EBF2: variants seen among roughly 807,000 people sequenced by gnomAD.
EBF2 encodes the protein EBF transcription factor 2.
In EBF2, 21 loss-of-function variants were observed where a neutral mutation model predicts 72.8. That is an observed-to-expected ratio of 0.29 (90% confidence interval 0.20 to 0.42). The LOEUF is 0.42. Among genes scored for constraint, EBF2 ranks in the 10% least tolerant of loss-of-function variants. The probability of loss-of-function intolerance (pLI) is 1.00; values close to 1 mark genes in which losing one functional copy is unlikely to be tolerated. For synonymous variants in EBF2, 299 were observed against 274.2 expected (o/e 1.09, Z -0.89); for missense variants, 637 against 731.2 (o/e 0.87, Z 1.49).
chr8:25,931,534 A>T (rs1418613776), intron 6 of EBF2, among the ~76,000 whole-genome samples: 1 of 152,206 alleles, frequency 6.6e-6, no homozygotes, highest in Admixed American at 6.5e-5. Context: ...TCCTTTGATG[A>T]ATGTGGACAA....
chr8:26,011,940 C>T (rs1056091802), intron 6 of EBF2, among the ~76,000 whole-genome samples: 2 of 152,064 alleles, frequency 1.3e-5, no homozygotes, highest in Admixed American at 1.3e-4. Context: ...AGTGGGTTAA[C>T]CTTTTCCCAC....
intron 5 of EBF2, among the ~76,000 whole-genome samples, chr8:26,038,028 A>G (rs1034658820): frequency 3.3e-5 from 5 of 152,224 alleles, no homozygotes; most frequent in African/African-American, 1.2e-4. Context: ...TCTCTCAATC[A>G]TTGACTGCTA....
chr8:25,901,956 C>T, intron 7 of EBF2, among the ~76,000 whole-genome samples: 1 of 152,190 alleles, frequency 6.6e-6, no homozygotes, highest in Non-Finnish European at 1.5e-5. Context: ...ATGATTTGCT[C>T]TCTGCTGTAT....
intron 10 of EBF2, among the ~76,000 whole-genome samples, chr8:25,873,766 TTAAAGA>T (rs1445470895): frequency 6.6e-6 from 1 of 152,144 alleles, no homozygotes; most frequent in Non-Finnish European, 1.5e-5. Context: ...ACTGTAAAAA[TTAAAGA>T]TAAATTTCAA....
chr8:25,911,540 C>T (rs1803130968), intron 6 of EBF2, among the ~76,000 whole-genome samples: 1 of 152,156 alleles, frequency 6.6e-6, no homozygotes, highest in African/African-American at 2.4e-5. Context: ...ATTGGAAATG[C>T]CCCAAGGGTT....
At chr8:26,012,335 A>G (rs2117235383) in intron 6 of EBF2, among the ~76,000 whole-genome samples, 1 of 152,348 alleles carries the variant, frequency 6.6e-6, no homozygotes, top group Admixed American at 6.5e-5. Flanking sequence ...AATGTCCTTT[A>G]TATGAAAATA....
chr8:25,993,258 G>C (rs1445046969), intron 6 of EBF2, among the ~76,000 whole-genome samples: 1 of 152,152 alleles, frequency 6.6e-6, no homozygotes, highest in Non-Finnish European at 1.5e-5. Context: ...AGACATCACT[G>C]AATAAATTTT....
chr8:26,038,734 C>T (rs1805547963), intron 5 of EBF2, among the ~76,000 whole-genome samples: 1 of 152,226 alleles, frequency 6.6e-6, no homozygotes, highest in Non-Finnish European at 1.5e-5. Flanking sequence ...GCCTTCCCCC[C>T]AGCTACTCCA....
intron 6 of EBF2, among the ~76,000 whole-genome samples, chr8:25,931,526 C>A (rs1051823914): frequency 9.2e-5 from 14 of 152,140 alleles, no homozygotes; most frequent in Non-Finnish European, 5.9e-5. Context: ...CAAATTGCTC[C>A]TTTGATGAAT....
chr8:25,997,438 G>T (rs1804651706), intron 6 of EBF2, among the ~76,000 whole-genome samples: 1 of 151,980 alleles, frequency 6.6e-6, no homozygotes, highest in South Asian at 2.1e-4. Context: ...AAGCATGATG[G>T]TGTGCACCTG....
intron 13 of EBF2, among the ~76,000 whole-genome samples, chr8:25,859,807 C>T (rs1246883456): frequency 6.6e-6 from 1 of 151,666 alleles, no homozygotes; most frequent in Admixed American, 6.6e-5. Flanking sequence ...GCTTCAACCT[C>T]CTGGACTCAA....
In EBF2 at chr8:25,944,348, G is replaced by A. The variant is rs182913500; in HGVS notation, c.552-35793C>T. Reference sequence around the variant, plus strand: ...CTCTTACTTACATCTCCCTTCAGACGGCCATTGTCTTGCCTGGTGAGCCAG... The same window carrying A: ...CTCTTACTTACATCTCCCTTCAGACAGCCATTGTCTTGCCTGGTGAGCCAG... On this transcript the variant is annotated intron_variant, in intron 6 of 15. Coordinates refer to ENST00000520164, the MANE Select transcript of EBF2 (RefSeq NM_022659.4). Among the ~76,000 whole-genome samples, 28 of 152,068 alleles carry A rather than the reference G, an allele frequency of 1.8e-4. No individual in the cohort carries two copies. The East Asian group carries it at 4.1e-3, about 22-fold the overall frequency.
In EBF2 at chr8:25,991,532, G is replaced by T. The variant is rs1272681584; in HGVS notation, c.551+41553C>A. ...GGTGTTCTGGGAACAAAGACTGGAG[G>T]GGTCTGGAAATGGGGGCAGAAAATA... On this transcript the variant is annotated intron_variant, in intron 6 of 15. Coordinates refer to ENST00000520164, the MANE Select transcript of EBF2 (RefSeq NM_022659.4). Among the ~76,000 whole-genome samples, 8 of 152,234 alleles carry T rather than the reference G, an allele frequency of 5.3e-5. No homozygotes were observed. The East Asian group carries it at 1.2e-3, about 22-fold the overall frequency.
chr8:25,987,016 C>T (rs1200205720), intron 6 of EBF2, among the ~76,000 whole-genome samples: 1 of 151,720 alleles, frequency 6.6e-6, no homozygotes, highest in Non-Finnish European at 1.5e-5. Context: ...AGCACAACCC[C>T]AAAGCCACTG....
intron 6 of EBF2, among the ~76,000 whole-genome samples, chr8:25,944,814 CTT>C (rs1803739002): frequency 6.7e-6 from 1 of 149,906 alleles, no homozygotes; most frequent in African/African-American, 2.4e-5. Flanking sequence ...TATATACACA[CTT>C]ATATAGACAT....
At chr8:25,902,707 C>A (rs539719978) in intron 7 of EBF2, among the ~76,000 whole-genome samples, 4 of 152,240 alleles carry the variant, frequency 2.6e-5, no homozygotes, top group African/African-American at 9.6e-5. Flanking sequence ...TAGGGGCCTG[C>A]AGAGAAGGGT....
At chr8:25,894,017 T>C (rs1802826483) in intron 7 of EBF2, among the ~76,000 whole-genome samples, 1 of 152,234 alleles carries the variant, frequency 6.6e-6, no homozygotes, top group African/African-American at 2.4e-5. Flanking sequence ...TGTGCATGTG[T>C]ACGTATAGAT....
chr8:25,985,816 A>G (rs1219595187), intron 6 of EBF2, among the ~76,000 whole-genome samples: 1 of 151,660 alleles, frequency 6.6e-6, no homozygotes, highest in Non-Finnish European at 1.5e-5. Flanking sequence ...CCTTGACAAC[A>G]CAGAGAGACC....
intron 6 of EBF2, among the ~76,000 whole-genome samples, chr8:25,948,353 G>A (rs1473145222): frequency 1.3e-5 from 2 of 152,126 alleles, no homozygotes; most frequent in Admixed American, 1.3e-4. Context: ...CAGTTCTATG[G>A]CTTTGAGCTT....
Sources: gnomAD v4.1 joint callset for allele counts (sites outside exome capture counted in the v4.1 genomes callset) on GRCh38, gnomAD v4.1.1 for gene constraint, MANE v1.5 for transcripts, NCBI Gene and HGNC (gene_info 2026-07-23, HGNC 2026-07-21) for gene names.